APBB1: variants seen among roughly 807,000 people sequenced by gnomAD.
APBB1 encodes the protein amyloid beta precursor protein binding family B member 1.
A neutral mutation model predicts 78.4 loss-of-function variants in APBB1; 22 were observed. The observed-to-expected ratio is 0.28, with a 90% CI of 0.20 to 0.40. APBB1 has a LOEUF of 0.40. APBB1 is among the 10% of genes least tolerant of loss of function. The pLI is 1.00. For synonymous variants in APBB1, 369 were observed against 372.7 expected, an observed-to-expected ratio of 0.99 and a Z score of 0.12; for missense variants, 749 against 932.4, an observed-to-expected ratio of 0.80 and a Z score of 2.56.
rs1242237207 is a variant in APBB1 at position 6,400,934 on chromosome 11, G to A, written c.1672+55C>T. The A allele has an allele frequency of 2.3e-5, 35 of 1,522,920 alleles. No homozygotes were observed. The East Asian group carries it at 6.8e-4, about 29-fold the overall frequency. The allele number at this position is 1,522,920 out of a possible 1,614,324, so 94.3% of individuals were successfully genotyped here. On this transcript the variant is annotated intron_variant, in intron 12 of 14. Transcript: ENST00000609360. ...AGAAGTATTGGAAGGCAGAGGGTAG[G>A]GGCAGAGTTTTAGGATCAAGGTAGC...
rs1848971765 is a variant in APBB1, at chr11:6,411,820, CG to C, written c.-14-460del. 6.6e-6 allele frequency among the ~76,000 whole-genome samples: 1 copy of C among 152,134 alleles called. No homozygotes were observed. Among genetic ancestry groups the C allele is most frequent in the Non-Finnish European group, 1.5e-5 (1 of 68,010 alleles). ...CAAGCCCCATCACTGTAAGCTCCTC[CG>C]GCTGTGTTCCTATTCCCATAAATCA... On this transcript the variant is annotated intron_variant, in intron 1 of 14. Coordinates refer to ENST00000609360, the MANE Select transcript of APBB1 (RefSeq NM_001164.5). The surrounding 1 kb of genome is among the most constrained non-coding windows in gnomAD (Gnocchi z 5.2).
intron 12 of APBB1, 98 bp from the exon 13 acceptor site, chr11:6,396,313 TG>T: frequency 9.6e-7 from 1 of 1,046,598 alleles, no homozygotes; most frequent in East Asian, 2.8e-5. Context: ...CCAGGGCCTT[TG>T]CCCCATCCCC....
chr11:6,399,108 A>G (rs1194127392), intron 12 of APBB1, among the ~76,000 whole-genome samples: 5 of 152,078 alleles, frequency 3.3e-5, no homozygotes, highest in Non-Finnish European at 7.4e-5. Context: ...CTACACATCC[A>G]TTGAATGTTG....
chr11:6,400,541 T>TA (rs5789463), intron 12 of APBB1, among the ~76,000 whole-genome samples: 129,736 of 142,258 alleles, frequency 0.91, 59,721 homozygotes, highest in East Asian at 0.99. Context: ...GACTTGTCTT[T>TA]AAAAAAAAAA....
At chr11:6,413,761 G>A (rs145751638) in intron 1 of APBB1, among the ~76,000 whole-genome samples, 16 of 152,044 alleles carry the variant, frequency 1.1e-4, no homozygotes, top group East Asian at 5.8e-4. Flanking sequence ...GTGAGCCACC[G>A]CGCCCGGCCC....
chr11:6,399,553 A>G (rs541721884), intron 12 of APBB1, among the ~76,000 whole-genome samples: 6 of 152,274 alleles, frequency 3.9e-5, no homozygotes, highest in Non-Finnish European at 7.4e-5. Context: ...CTTCAGCTCC[A>G]TTGTTGCCCA....
intron 2 of APBB1, among the ~76,000 whole-genome samples, chr11:6,408,118 A>G (rs1446697959): frequency 6.6e-6 from 1 of 152,220 alleles, no homozygotes; most frequent in Non-Finnish European, 1.5e-5. Flanking sequence ...ATATTCTTGC[A>G]AAAGCAAAAC....
intron 12 of APBB1, among the ~76,000 whole-genome samples, chr11:6,397,570 G>A (rs1286340306): frequency 6.6e-6 from 1 of 152,228 alleles, no homozygotes; most frequent in African/African-American, 2.4e-5. Flanking sequence ...TGTCTTGAGT[G>A]CCCTTTCCCT....
intron 2 of APBB1, chr11:6,405,436 A>G: frequency 1.1e-5 from 11 of 987,288 alleles, no homozygotes; most frequent in Non-Finnish European, 1.3e-5. Context: ...CCGCAGCACC[A>G]GGACCGGCTG....
intron 2 of APBB1, among the ~76,000 whole-genome samples, chr11:6,409,622 T>C (rs1207707691): frequency 1.3e-5 from 2 of 152,158 alleles, no homozygotes; most frequent in African/African-American, 2.4e-5. Flanking sequence ...TCCACAAAGA[T>C]TGCACAGTTT....
chr11:6,415,194 A>G (rs148180443), intron 1 of APBB1, among the ~76,000 whole-genome samples: 33 of 152,316 alleles, frequency 2.2e-4, no homozygotes, highest in African/African-American at 7.9e-4. Context: ...CAAAGAGCCA[A>G]CTGGGTTCTG....
At chr11:6,400,727 G>A (rs184089063) in intron 12 of APBB1, among the ~76,000 whole-genome samples, 51 of 152,262 alleles carry the variant, frequency 3.3e-4, no homozygotes, top group African/African-American at 1.2e-3. Context: ...TTTTCCATGG[G>A]ATGAAGGAGT....
Position 6,410,805 on chromosome 11 carries a change from C to T in APBB1, c.543G>A (p.Glu181=), listed in dbSNP as rs1411220721. Reference sequence around the variant, plus strand: ...GAGGGGCCTCCACACTCTCCAGGGGCTCAGGCAGCCCTGGGGGAGAAGATA... The same window carrying T: ...GAGGGGCCTCCACACTCTCCAGGGGTTCAGGCAGCCCTGGGGGAGAAGATA... ...EDLSSPPGLP[E]PLESVEAPPR... The change falls in exon 2 of 15, where the codon GAG becomes GAA. Residue 181 remains glutamate (E), a synonymous_variant. Transcript: ENST00000609360. 1.2e-6 allele frequency: 2 copies of T among 1,613,096 alleles called. No homozygotes were observed. The highest frequency in any genetic ancestry group is 3.3e-5 in the Admixed American group (2 of 59,944).
rs1359395491 is a variant in APBB1, at chr11:6,396,169, G to A, written c.1719C>T (p.Ser573=). 6.4e-7 allele frequency: 1 copy of A among 1,551,776 alleles called. No homozygotes were observed. Among genetic ancestry groups the A allele is most frequent in the Non-Finnish European group, 8.7e-7 (1 of 1,147,240 alleles). Reference sequence around the variant, plus strand: ...GACTTGGGGTCCATTGTTCACGGCTGCTGGAGGACAGGACTGACTCGAGGG... The same window carrying A: ...GACTTGGGGTCCATTGTTCACGGCTACTGGAGGACAGGACTGACTCGAGGG... ...NGALESVLSS[S]SREQWTPSHV... The change falls in exon 13 of 15, where the codon AGC becomes AGT. Residue 573 remains serine (S), a synonymous_variant. Transcript: ENST00000609360.
chr11:6,414,667 C>T (rs935784442), intron 1 of APBB1, among the ~76,000 whole-genome samples: 1 of 152,074 alleles, frequency 6.6e-6, no homozygotes, highest in African/African-American at 2.4e-5. Flanking sequence ...TAAGATGGGA[C>T]AGGAATCCTG....
At chr11:6,404,653 C>A (rs1340843365) in intron 2 of APBB1, 8 of 1,536,356 alleles carry the variant, frequency 5.2e-6, no homozygotes, top group Middle Eastern at 1.7e-4. Context: ...AGCCACACCA[C>A]TCCAACCCTG....
rs1848162164 is a variant in APBB1 at position 6,395,548 on chromosome 11, C to T, written c.2119G>A (p.Ala707Thr). Residue 707 changes from alanine (A) to threonine (T), a missense_variant, in exon 15 of 15, where the codon GCC becomes ACC. By Grantham distance (58) the Ala-to-Thr change is moderately conservative (BLOSUM62 0). Coordinates refer to ENST00000609360, the MANE Select transcript of APBB1 (RefSeq NM_001164.5). This position sits in a 1 kb window ranked among gnomAD's most constrained non-coding sequence, Gnocchi z 5.2. ...TGGGGGCTTCTTCATGGGGTATGGG[C>T]CCCCAGCCGTTTGGGCTTCAGGGAG... The part of the protein sequence containing the change: ...WGSLKPKRLG[A>T]HTP 6.4e-7 allele frequency: 1 copy of T among 1,565,432 alleles called. No individual in the cohort carries two copies. The highest frequency in any genetic ancestry group is 8.6e-7 in the Non-Finnish European group (1 of 1,156,218).
At chr11:6,397,840 C>T (rs1332992562) in intron 12 of APBB1, among the ~76,000 whole-genome samples, 1 of 152,236 alleles carries the variant, frequency 6.6e-6, no homozygotes, top group Non-Finnish European at 1.5e-5. Flanking sequence ...GAGCAAGTCA[C>T]TCTCAAGGCA....
At chr11:6,413,415 C>G (rs180756004) in intron 1 of APBB1, among the ~76,000 whole-genome samples, 2 of 152,172 alleles carry the variant, frequency 1.3e-5, no homozygotes, top group African/African-American at 4.8e-5. Flanking sequence ...GGAGTTCTTT[C>G]TTTCCCTGAC....
Sources: gnomAD v4.1 joint callset for allele counts (sites outside exome capture counted in the v4.1 genomes callset) on GRCh38, gnomAD v4.1.1 for gene constraint, Gnocchi (gnomAD v3.1) non-coding constraint, MANE v1.5 for transcripts, NCBI Gene and HGNC (gene_info 2026-07-23, HGNC 2026-07-21) for gene names.